PRUNE2: variants seen among roughly 807,000 people sequenced by gnomAD.
The protein encoded by PRUNE2 is prune homolog 2 with BCH domain, also known as protein prune homolog 2.
Under a neutral mutation model 252.0 loss-of-function variants are expected in PRUNE2, and 164 were observed. The observed-to-expected ratio is 0.65, with a 90% CI of 0.57 to 0.74. The LOEUF (loss-of-function observed/expected upper bound fraction) is 0.74. PRUNE2 is among the 30% of genes least tolerant of loss of function. PRUNE2 has a pLI of 0.00. For synonymous variants in PRUNE2, 1,292 were observed against 1,350.2 expected (o/e 0.96, Z 0.94); for missense variants, 3,495 against 3,711.0 (o/e 0.94, Z 1.51).
Position 76,706,733 on chromosome 9 carries a change from CT to C in PRUNE2, c.5540del (p.Glu1847GlyfsTer11). ...CCAACACACCACTGGAGTCAGACAG[CT>C]CCCTTTCAAATGGACTTTCAATTAG... ...GRLIESPFER[E>X]LSDSSGVLEI... is the part of the protein sequence containing the mutation. On this transcript the variant is annotated frameshift_variant, in exon 8 of 19. Transcript: ENST00000376718. LOFTEE classifies it high-confidence loss of function. 2 of 1,612,974 alleles carry C rather than the reference CT, an allele frequency of 1.2e-6. No homozygotes were observed. The highest frequency in any genetic ancestry group is 1.7e-6 in the Non-Finnish European group (2 of 1,179,450).
chr9:76,651,619 T>A (rs535255532), intron 11 of PRUNE2, among the ~76,000 whole-genome samples: 32 of 152,246 alleles, frequency 2.1e-4, no homozygotes, highest in African/African-American at 7.7e-4. Context: ...TAAAAAAAAA[T>A]GATTGTATTT....
At chr9:76,741,191 A>G (rs1000561514) in intron 6 of PRUNE2, among the ~76,000 whole-genome samples, 3 of 152,228 alleles carry the variant, frequency 2.0e-5, no homozygotes, top group African/African-American at 7.2e-5. Flanking sequence ...TTTTTAATTT[A>G]AATACACTGA....
chr9:76,700,570 G>A (rs1277057132), intron 9 of PRUNE2, among the ~76,000 whole-genome samples: 3 of 151,972 alleles, frequency 2.0e-5, no homozygotes, highest in Non-Finnish European at 1.5e-5. Context: ...GCCCCTTGAG[G>A]AGTGCCTTCA....
intron 18 of PRUNE2, among the ~76,000 whole-genome samples, chr9:76,615,465 A>G (rs946827274): frequency 6.6e-6 from 1 of 152,228 alleles, no homozygotes; most frequent in African/African-American, 2.4e-5. Context: ...AAGCTTTGCA[A>G]ATAAAGCCAC....
intron 17 of PRUNE2, among the ~76,000 whole-genome samples, chr9:76,623,195 T>C (rs796653057): frequency 4.6e-5 from 7 of 152,318 alleles, no homozygotes; most frequent in African/African-American, 1.7e-4. Flanking sequence ...AGAAACTTAA[T>C]GTGCTTAATT....
chr9:76,668,764 T>C (rs1280881520), intron 9 of PRUNE2, among the ~76,000 whole-genome samples: 1 of 151,882 alleles, frequency 6.6e-6, no homozygotes, highest in Non-Finnish European at 1.5e-5. Context: ...CCTCAGCTCC[T>C]GGCACTGCCT....
intron 6 of PRUNE2, among the ~76,000 whole-genome samples, chr9:76,809,355 T>A (rs767473776): frequency 4.6e-5 from 7 of 152,122 alleles, no homozygotes; most frequent in Non-Finnish European, 8.8e-5. Context: ...GGGAGCTGCA[T>A]GATGAGAAAT....
At position 76,705,724 on chromosome 9, in the gene PRUNE2, C is replaced by T. The variant is rs512110; in HGVS notation, c.6550G>A (p.Ala2184Thr). Residue 2184 changes from alanine to threonine, a missense_variant, in exon 8 of 19, where the codon GCC (alanine) becomes ACC (threonine). Transcript: ENST00000376718. Reference protein sequence around the residue: ...QADIKGSSQPASHKGSPEPSE... With the variant: ...QADIKGSSQPTSHKGSPEPSE... ...GGTTCAGGTGAACCTTTATGAGAGG[C>T]GGGCTGAGAGGAGCCCTTTATGTCT... 0.78 allele frequency: 1,252,162 copies of T among 1,613,730 alleles called. 487,684 individuals are homozygous for T. The highest frequency in any genetic ancestry group is 0.96 in the East Asian group (42,862 of 44,874).
intron 6 of PRUNE2, among the ~76,000 whole-genome samples, chr9:76,720,883 G>C (rs551711722): frequency 3.9e-5 from 6 of 152,156 alleles, no homozygotes; most frequent in African/African-American, 1.4e-4. Flanking sequence ...GGAGGCTGAG[G>C]CGGGCGGATC....
intron 6 of PRUNE2, among the ~76,000 whole-genome samples, chr9:76,749,588 A>C (rs557433902): frequency 6.6e-6 from 1 of 152,348 alleles, no homozygotes; most frequent in East Asian, 1.9e-4. Flanking sequence ...GTGAGGTCTT[A>C]AGTGTGAGCT....
At chr9:76,728,006 C>T (rs142907820) in intron 6 of PRUNE2, among the ~76,000 whole-genome samples, 11 of 152,020 alleles carry the variant, frequency 7.2e-5, no homozygotes, top group East Asian at 1.9e-4. Context: ...GTGAGCCCCC[C>T]GACGCCTGGC....
At chr9:76,698,388 T>C (rs985811610) in intron 9 of PRUNE2, among the ~76,000 whole-genome samples, 1 of 152,128 alleles carries the variant, frequency 6.6e-6, no homozygotes, top group Non-Finnish European at 1.5e-5. Context: ...CTCACCAACA[T>C]ACCACACCAA....
At chr9:76,698,336 C>T (rs568366589) in intron 9 of PRUNE2, among the ~76,000 whole-genome samples, 3 of 152,126 alleles carry the variant, frequency 2.0e-5, no homozygotes, top group Non-Finnish European at 4.4e-5. Context: ...CGTGAGCCAC[C>T]GTGCCCGGCA....
intron 9 of PRUNE2, among the ~76,000 whole-genome samples, chr9:76,678,825 C>G (rs962413794): frequency 3.9e-5 from 6 of 152,094 alleles, no homozygotes; most frequent in African/African-American, 9.7e-5. Flanking sequence ...GAGACTCCGT[C>G]TCAAAAAATA....
intron 6 of PRUNE2, chr9:76,782,704 C>G (rs1306718573): frequency 6.6e-6 from 1 of 152,154 alleles, no homozygotes; most frequent in African/African-American, 2.4e-5. Context: ...TCAATGAACA[C>G]CAAGATAAAT....
intron 1 of PRUNE2, among the ~76,000 whole-genome samples, chr9:76,855,727 G>C (rs2060220681): frequency 6.6e-6 from 1 of 151,964 alleles, no homozygotes; most frequent in Non-Finnish European, 1.5e-5. Flanking sequence ...TTGATCCTTG[G>C]CAAAACAGCA....
intron 15 of PRUNE2, among the ~76,000 whole-genome samples, chr9:76,633,556 TG>T (rs11321476): frequency 0.83 from 125,441 of 150,584 alleles, 52,446 homozygotes; most frequent in African/African-American, 0.89. Flanking sequence ...CACTCCAGCC[TG>T]GGGCAACAGA....
intron 9 of PRUNE2, among the ~76,000 whole-genome samples, chr9:76,656,031 G>T (rs567493639): frequency 3.2e-4 from 49 of 152,280 alleles, no homozygotes; most frequent in South Asian, 1.9e-3. Flanking sequence ...TCCTGAGCAG[G>T]CATAGACTGA....
chr9:76,864,490 T>C (rs2060727728), intron 1 of PRUNE2, among the ~76,000 whole-genome samples: 1 of 151,954 alleles, frequency 6.6e-6, no homozygotes, highest in Non-Finnish European at 1.5e-5. Context: ...AACAAATAAA[T>C]AAAAATCTAA....
Sources: allele counts gnomAD v4.1 joint callset (sites outside exome capture counted in the v4.1 genomes callset), GRCh38; gene constraint gnomAD v4.1.1; transcripts MANE v1.5; gene names NCBI Gene and HGNC (gene_info 2026-07-23, HGNC 2026-07-21).